The following SELENOS variants were observed in gnomAD, a reference collection of about 807,000 sequenced individuals.
SELENOS encodes VCP interacting membrane selenoprotein.
A neutral mutation model predicts 30.2 loss-of-function variants in SELENOS; 37 were observed. The observed-to-expected ratio is 1.23, with a 90% confidence interval of 0.94 to 1.61. The LOEUF is 1.61. Ranked by LOEUF, SELENOS falls within the 40% of genes most tolerant of loss-of-function variation. The pLI is 0.00. For missense variants in SELENOS, 289 were observed against 231.8 expected (o/e 1.25, Z -1.60); for synonymous variants, 119 against 91.6 (o/e 1.30, Z -1.71).
rs368229041 is a variant in SELENOS, at chr15:101,272,847, G to A, written c.494C>T (p.Pro165Leu). ...AGCTCCGCCTCCTTCACCAGACAAC[G>A]GGTTATAACCTGGGAGGACAGAAAA... ...RKPLRGGGYN[P>L]LSGEGGGACS... Residue 165 changes from proline (P) to leucine (L), a missense_variant, in exon 6 of 6, where the codon CCG becomes CTG. Physicochemically the swap from Pro to Leu is moderately conservative, Grantham distance 98 (BLOSUM62 -3). Coordinates refer to ENST00000526049, the MANE Select transcript of SELENOS (RefSeq NM_018445.6). The A allele has an allele frequency of 6.8e-6, 11 of 1,606,976 alleles. No individual in the cohort carries two copies. Among genetic ancestry groups the A allele is most frequent in the African/African-American group, 5.3e-5 (4 of 74,772 alleles).
Position 101,272,732 on chromosome 15 carries a change from T to C in SELENOS, c.*39A>G. ...AGGCAATTGAATCGAGGGTTAAGGG[T>C]TCATCTTGCTAATGTCAAAAGTGAC... On this transcript the variant is annotated 3_prime_UTR_variant, in exon 6 of 6. Transcript: ENST00000526049. 1 of 1,565,088 alleles carries C rather than the reference T, an allele frequency of 6.4e-7. No homozygotes were observed. The highest frequency in any genetic ancestry group is 8.7e-7 in the Non-Finnish European group (1 of 1,151,986).
Position 101,274,431 on chromosome 15 carries a change from A to T in SELENOS, c.473T>A (p.Leu158Ter). 1.2e-6 allele frequency: 2 copies of T among 1,608,226 alleles called. No homozygotes were observed. The highest frequency in any genetic ancestry group is 1.7e-6 in the Non-Finnish European group (2 of 1,177,068). ...VLKRKSDRKPLRGGGYNPLSG... is the reference protein window; with the variant it reads ...VLKRKSDRKP ...TCAGTGGTGCTTACCTCCTCCCCGCAAAGGCTTTCTGTCCGATTTCCGTTT... is the reference window on the plus strand; with the variant it reads ...TCAGTGGTGCTTACCTCCTCCCCGCTAAGGCTTTCTGTCCGATTTCCGTTT... Residue 158 changes from leucine to a stop codon, truncating the protein, a stop_gained, in exon 5 of 6, where the codon TTG becomes TAG. Transcript: ENST00000526049. LOFTEE classifies it high-confidence loss of function.
chr15:101,275,221 C>A, intron 3 of SELENOS, 34 bp downstream of exon 3: 1 of 1,508,446 alleles, frequency 6.6e-7, no homozygotes, highest in South Asian at 1.3e-5. Flanking sequence ...CAGACAATTT[C>A]TATGCACACA....
intron 1 of SELENOS, 101 bp from the exon 2 acceptor site, chr15:101,276,776 C>T: frequency 7.0e-7 from 1 of 1,425,076 alleles, no homozygotes; most frequent in South Asian, 1.4e-5. Flanking sequence ...CCCTCAAAGC[C>T]TTCATGGTCT....
At chr15:101,277,258 CGGTGCAGCGGCG>C (rs1195630999) in intron 1 of SELENOS, 72 bp downstream of exon 1, 2 of 1,519,518 alleles carry the variant, frequency 1.3e-6, no homozygotes, top group South Asian at 2.4e-5. Flanking sequence ...CTCCGGCGCC[CGGTGCAGCGGCG>C]GACGACCCAC....
At chr15:101,275,725 C>T (rs576539062) in intron 2 of SELENOS, among the ~76,000 whole-genome samples, 1 of 152,224 alleles carries the variant, frequency 6.6e-6, no homozygotes, top group South Asian at 2.1e-4. Context: ...TCCTGGAAGA[C>T]TACCAAGGAA....
intron 1 of SELENOS, chr15:101,277,097 G>A (rs1329783479): frequency 1.1e-5 from 8 of 724,638 alleles, no homozygotes; most frequent in Non-Finnish European, 1.9e-5. Context: ...ACCACAGGAA[G>A]GGCTTGGTTC....
At chr15:101,271,386 C>G (rs1165186278), downstream of SELENOS, 1 of 152,214 alleles carries the variant, frequency 6.6e-6, no homozygotes, top group Non-Finnish European at 1.5e-5. Context: ...TTCCCCACAC[C>G]TCACAAGGCC....
intron 2 of SELENOS, 104 bp downstream of exon 2, chr15:101,276,437 A>C: frequency 1.5e-6 from 2 of 1,342,964 alleles, no homozygotes; most frequent in Non-Finnish European, 1.9e-6. Context: ...TTAAATAGAG[A>C]CAGGGTCTTC....
rs766633662 is a variant in SELENOS at position 101,277,378 on chromosome 15, G to A, written c.40C>T (p.Leu14=). Residue 14 remains leucine (L), a synonymous_variant, in exon 1 of 6, where the codon CTG becomes TTG. Transcript: ENST00000526049. ...QEESLSARPA[L]ETEGLRFLHT... ...AGGAAGCGCAGCCCCTCGGTCTCCA[G>A]GGCCGGCCGCGCGGACAGAGACTCC... 4.0e-6 allele frequency: 6 copies of A among 1,507,366 alleles called. No homozygotes were observed. In the South Asian group the frequency reaches 4.9e-5, roughly 12 times the overall value. 93.4% of individuals were successfully genotyped at this position (1,507,366 alleles called of 1,614,324 possible).
At position 101,274,656 on chromosome 15, in the gene SELENOS, TTC is replaced by T. The variant is rs767244840; in HGVS notation, c.342_343del (p.Lys115AspfsTer2). On this transcript the variant is annotated frameshift_variant, in exon 4 of 6. Coordinates refer to ENST00000526049, the MANE Select transcript of SELENOS (RefSeq NM_018445.6). LOFTEE classifies it high-confidence loss of function. ...TTGCATGCTGTCCCACATTTCAATCTTCTGTCTCCTTTTTTCTTCTTCAAGCT... is the reference window on the plus strand; with the variant it reads ...TTGCATGCTGTCCCACATTTCAATCTTGTCTCCTTTTTTCTTCTTCAAGCT... The T allele has an allele frequency of 6.2e-6, 10 of 1,612,578 alleles. No homozygotes were observed. In the Admixed American group the frequency reaches 1.7e-4, roughly 27 times the overall value.
chr15:101,276,415 T>C (rs902110615), intron 2 of SELENOS, 126 bp downstream of exon 2: 7 of 274,002 alleles, frequency 2.6e-5, no homozygotes, highest in South Asian at 1.0e-4. Flanking sequence ...CTCCCGGCTA[T>C]TTTTTTTTTT....
At chr15:101,273,837 C>T (rs1180322193) in intron 5 of SELENOS, among the ~76,000 whole-genome samples, 1 of 152,230 alleles carries the variant, frequency 6.6e-6, no homozygotes, top group East Asian at 1.9e-4. Flanking sequence ...GATACAAAAT[C>T]TTCCGCCTTG....
chr15:101,275,016 C>T (rs556636058), intron 3 of SELENOS: 19 of 565,456 alleles, frequency 3.4e-5, no homozygotes, highest in African/African-American at 2.7e-4. Flanking sequence ...TCCAGCCTGT[C>T]CCTCCTTTTG....
At chr15:101,274,274 G>C (rs1437662368) in intron 5 of SELENOS, 146 bp downstream of exon 5, 5 of 907,308 alleles carry the variant, frequency 5.5e-6, no homozygotes, top group Non-Finnish European at 6.9e-6. Flanking sequence ...GAGGTGATTT[G>C]CATCTGTTTC....
intron 2 of SELENOS, among the ~76,000 whole-genome samples, chr15:101,276,243 T>A (rs1163186895): frequency 1.6e-5 from 1 of 63,724 alleles, no homozygotes; most frequent in Non-Finnish European, 2.5e-5. Flanking sequence ...TACTTCCTAC[T>A]TTTTTTTTTT....
At chr15:101,272,966 T>C (rs2039286073) in intron 5 of SELENOS, 110 bp from the exon 6 acceptor site, 7 of 945,292 alleles carry the variant, frequency 7.4e-6, no homozygotes, top group Admixed American at 4.7e-5. Flanking sequence ...ACTGCAAAGA[T>C]ACAGATCCTA....
rs1489712157 is a variant in SELENOS at position 101,272,415 on chromosome 15, A to G, written c.*356T>C. On this transcript the variant is annotated 3_prime_UTR_variant, in exon 6 of 6. Transcript: ENST00000526049. ...GATAAGGAAGACATCATTCAACGCA[A>G]CCTGTCACAGAGACTGTCCTAGCAG... 5.3e-6 allele frequency: 1 copy of G among 188,228 alleles called. No homozygotes were observed. The highest frequency in any genetic ancestry group is 1.1e-5 in the Non-Finnish European group (1 of 90,218). The allele number at this position is 188,228 out of a possible 1,614,324, so 11.7% of individuals were successfully genotyped here. A position where few individuals can be genotyped will look rare whatever the true frequency, so the allele number is the denominator to read the frequency against.
At position 101,274,425 on chromosome 15, in the gene SELENOS, C is replaced by A; in HGVS notation, c.479G>T (p.Gly160Val). 2 of 1,607,090 alleles carry A rather than the reference C, an allele frequency of 1.2e-6. No individual in the cohort carries two copies. Among genetic ancestry groups the A allele is most frequent in the South Asian group, 2.2e-5 (2 of 89,404 alleles). The stretch of plus-strand genomic sequence containing the variant: ...TTGACATCAGTGGTGCTTACCTCCT[C>A]CCCGCAAAGGCTTTCTGTCCGATTT... The part of the protein sequence containing the change: ...KRKSDRKPLR[G>V]GGYNPLSGEG... Residue 160 changes from glycine to valine, a missense_variant, in exon 5 of 6, where the codon GGA (glycine) becomes GTA (valine). Coordinates refer to ENST00000526049, the MANE Select transcript of SELENOS (RefSeq NM_018445.6).
Sources: allele counts gnomAD v4.1 joint callset (sites outside exome capture counted in the v4.1 genomes callset), GRCh38; gene constraint gnomAD v4.1.1; transcripts MANE v1.5; gene names NCBI Gene and HGNC (gene_info 2026-07-23, HGNC 2026-07-21).